DNAH14: variants seen among roughly 807,000 people sequenced by gnomAD.
DNAH14 encodes axonemal beta dynein heavy chain 14.
DNAH14 carries 478 observed loss-of-function variants against 520.9 expected under a neutral mutation model. The observed-to-expected ratio is 0.92, with a 90% confidence interval of 0.85 to 0.99. The LOEUF (loss-of-function observed/expected upper bound fraction) is 0.99, where lower values mean the gene tolerates loss of function less well. Among genes scored for constraint, DNAH14 ranks in the 50% least tolerant of loss-of-function variants. The pLI is 0.00. For missense variants in DNAH14, 4,831 were observed against 5,234.5 expected (o/e 0.92, Z 2.38); for synonymous variants, 1,581 against 1,757.2 (o/e 0.90, Z 2.51).
At chr1:225,156,052 C>T (rs1292625305) in intron 34 of DNAH14, among the ~76,000 whole-genome samples, 2 of 152,120 alleles carry the variant, frequency 1.3e-5, no homozygotes, top group Non-Finnish European at 2.9e-5. Flanking sequence ...TCCTTTCCTT[C>T]TATCCCACCC....
At chr1:225,360,158 C>A (rs1283128916) in intron 74 of DNAH14, among the ~76,000 whole-genome samples, 2 of 152,198 alleles carry the variant, frequency 1.3e-5, no homozygotes, top group Non-Finnish European at 2.9e-5. Flanking sequence ...CCACCCATGT[C>A]TCTGCAAAGG....
intron 30 of DNAH14, among the ~76,000 whole-genome samples, chr1:225,146,854 C>G (rs2079994817): frequency 6.6e-6 from 1 of 151,780 alleles, no homozygotes; most frequent in Non-Finnish European, 1.5e-5. Context: ...GCCCTGTCTT[C>G]ACGGTCCCTG....
At position 225,159,456 on chromosome 1, in the gene DNAH14, G is replaced by A; in HGVS notation, c.5416G>A (p.Val1806Ile). 6.5e-7 allele frequency: 1 copy of A among 1,535,478 alleles called. No individual in the cohort carries two copies. Among genetic ancestry groups the A allele is most frequent in the South Asian group, 1.2e-5 (1 of 80,286 alleles). Residue 1806 changes from valine to isoleucine, a missense_variant, in exon 35 of 86, where the codon GTT becomes ATT. Coordinates refer to ENST00000682510, the MANE Select transcript of DNAH14 (RefSeq NM_001367479.1). ...AGGAGATATTTTTCCAGAAGTGACAGTTTTGAAAGTAAATCAACTTGCCTT... is the reference window on the plus strand; with the variant it reads ...AGGAGATATTTTTCCAGAAGTGACAATTTTGAAAGTAAATCAACTTGCCTT... Reference protein sequence around the residue: ...IIGDIFPEVTVLKVNQLALEK... With the variant: ...IIGDIFPEVTILKVNQLALEK...
chr1:225,180,267 C>T (rs1325045325), intron 36 of DNAH14, among the ~76,000 whole-genome samples: 1 of 152,152 alleles, frequency 6.6e-6, no homozygotes, highest in Non-Finnish European at 1.5e-5. Flanking sequence ...TGATGCTGTT[C>T]CACAGACGTC....
At chr1:225,096,234 A>G (rs2074953406) in intron 21 of DNAH14, among the ~76,000 whole-genome samples, 1 of 152,118 alleles carries the variant, frequency 6.6e-6, no homozygotes, top group African/African-American at 2.4e-5. Context: ...TGCACGCCTC[A>G]GCCTCCCAAA....
intron 10 of DNAH14, among the ~76,000 whole-genome samples, chr1:225,008,005 A>G (rs1390852951): frequency 1.3e-5 from 2 of 149,902 alleles, no homozygotes; most frequent in East Asian, 2.0e-4. Context: ...TACATGTGCT[A>G]TGGTGGTTTG....
chr1:225,162,779 G>A (rs2081640959), intron 35 of DNAH14, among the ~76,000 whole-genome samples: 1 of 151,998 alleles, frequency 6.6e-6, no homozygotes, highest in African/African-American at 2.4e-5. Context: ...AATTTTATGT[G>A]TAGCTACTAT....
chr1:225,318,698 T>C (rs1365861054), intron 61 of DNAH14, 21 bp downstream of exon 61: 4 of 1,531,312 alleles, frequency 2.6e-6, no homozygotes, highest in East Asian at 2.5e-5. Context: ...TAAGTTTCGT[T>C]TGAGTTGGAA....
chr1:225,195,663 A>AAT (rs2086040287), intron 38 of DNAH14, among the ~76,000 whole-genome samples: 1 of 152,056 alleles, frequency 6.6e-6, no homozygotes, highest in African/African-American at 2.4e-5. Flanking sequence ...AGTTAGAAAA[A>AAT]ATAAATAAGG....
intron 8 of DNAH14, among the ~76,000 whole-genome samples, chr1:224,988,227 G>T (rs921739705): frequency 6.6e-6 from 1 of 152,126 alleles, no homozygotes; most frequent in Non-Finnish European, 1.5e-5. Flanking sequence ...CAAAAGATAT[G>T]ATCTTGTTCC....
intron 7 of DNAH14, chr1:224,969,973 G>C (rs551401584): frequency 6.6e-6 from 1 of 152,152 alleles, no homozygotes; most frequent in African/African-American, 2.4e-5. Flanking sequence ...ATGAAATCTG[G>C]GCACCTTGAA....
chr1:225,252,448 ACG>A, intron 44 of DNAH14, 31 bp downstream of exon 44: 1 of 1,227,098 alleles, frequency 8.1e-7, no homozygotes, highest in Non-Finnish European at 1.2e-6. Flanking sequence ...CATACTTGTA[ACG>A]TTAGAATATT....
chr1:225,142,044 C>T lies in DNAH14; in HGVS notation c.4508+1023C>T, dbSNP rs570902499. Among the ~76,000 whole-genome samples the T allele has an allele frequency of 7.6e-4, 115 of 152,230 alleles. 1 individual carries two copies. The highest frequency in any genetic ancestry group is 2.7e-3 in the African/African-American group (111 of 41,542). On this transcript the variant is annotated intron_variant, in intron 28 of 85. Transcript: ENST00000682510. ...CTGTTGACTATATTTTATCTGAATA[C>T]TTTATATCTGATATATACTCACATG...
In DNAH14 at chr1:225,331,467, G is replaced by A. The variant is rs1558408470; in HGVS notation, c.9754G>A (p.Ala3252Thr). ...VEEHLLFLQA[A>T]YKDTVAEKQL... ...AGAACATTTGCTGTTTTTACAGGCAGCTTACAAAGATACCGTTGCTGAAAA... is the reference window on the plus strand; with the variant it reads ...AGAACATTTGCTGTTTTTACAGGCAACTTACAAAGATACCGTTGCTGAAAA... The change falls in exon 65 of 86, where the codon GCT (alanine) becomes ACT (threonine). Residue 3252 changes from alanine (A) to threonine (T), a missense_variant. Coordinates refer to ENST00000682510, the MANE Select transcript of DNAH14 (RefSeq NM_001367479.1). 1.9e-6 allele frequency: 3 copies of A among 1,551,304 alleles called. No individual in the cohort carries two copies. The highest frequency in any genetic ancestry group is 1.2e-5 in the South Asian group (1 of 83,998).
At chr1:225,247,801 CG>C (rs971730215) in intron 43 of DNAH14, among the ~76,000 whole-genome samples, 19 of 151,976 alleles carry the variant, frequency 1.3e-4, no homozygotes, top group African/African-American at 4.4e-4. Context: ...CCGAGGCAGG[CG>C]GATCACGAAG....
chr1:225,131,192 C>G (rs2078381867), intron 27 of DNAH14, among the ~76,000 whole-genome samples: 7 of 152,030 alleles, frequency 4.6e-5, no homozygotes, highest in Admixed American at 4.6e-4. Flanking sequence ...TATTGTATTG[C>G]ATTAGTTTTC....
At chr1:225,048,587 T>G (rs756254152) in intron 15 of DNAH14, among the ~76,000 whole-genome samples, 1 of 152,248 alleles carries the variant, frequency 6.6e-6, no homozygotes, top group South Asian at 2.1e-4. Context: ...TTCAACTGTT[T>G]GGATGTATCG....
At chr1:225,335,436 TG>T (rs1332178725) in intron 66 of DNAH14, among the ~76,000 whole-genome samples, 3 of 79,200 alleles carry the variant, frequency 3.8e-5, no homozygotes, top group African/African-American at 2.5e-4. Flanking sequence ...CGTGTGTACA[TG>T]TGTGTGTATG....
At chr1:225,179,979 C>G (rs550429864) in intron 36 of DNAH14, among the ~76,000 whole-genome samples, 1 of 152,168 alleles carries the variant, frequency 6.6e-6, no homozygotes, top group East Asian at 1.9e-4. Flanking sequence ...AAGTCTGCTG[C>G]CAGATGTATC....
Sources: gnomAD v4.1 joint callset for allele counts (sites outside exome capture counted in the v4.1 genomes callset) on GRCh38, gnomAD v4.1.1 for gene constraint, MANE v1.5 for transcripts, NCBI Gene and HGNC (gene_info 2026-07-23, HGNC 2026-07-21) for gene names.